TIMM21: variants seen among roughly 807,000 people sequenced by gnomAD.
TIMM21 encodes the protein mitochondrial import inner membrane translocase subunit Tim21.
Under a neutral mutation model 27.7 loss-of-function variants are expected in TIMM21, and 30 were observed. The ratio of observed to expected loss-of-function variants is 1.08; its 90% CI spans 0.81 to 1.47. TIMM21 has a LOEUF of 1.47. Ranked by LOEUF, TIMM21 falls within the 40% of genes most tolerant of loss-of-function variation. The probability of loss-of-function intolerance (pLI) is 0.00; values close to 1 mark genes in which losing one functional copy is unlikely to be tolerated. For missense variants in TIMM21, 292 were observed against 302.9 expected (o/e 0.96, Z 0.27); for synonymous variants, 121 against 114.4 (o/e 1.06, Z -0.37).
At chr18:74,157,674 C>T in intron 3 of TIMM21, 2 of 203,888 alleles carry the variant, frequency 9.8e-6, no homozygotes, top group Non-Finnish European at 2.0e-5. Context: ...TGGCTCACTG[C>T]AGCCTCTGCC....
rs968139714 is a variant in TIMM21, at chr18:74,159,761, A to G, written c.*1281A>G. On this transcript the variant is annotated 3_prime_UTR_variant, in exon 6 of 6. Coordinates refer to ENST00000169551, the MANE Select transcript of TIMM21 (RefSeq NM_014177.3). ...TCTCCTAATCGTTTTTTCCTTTGCTATAGAATGTTCAGTTTCAGGATTCAC... is the reference window on the plus strand; with the variant it reads ...TCTCCTAATCGTTTTTTCCTTTGCTGTAGAATGTTCAGTTTCAGGATTCAC... The G allele has an allele frequency of 6.6e-6, 1 of 152,162 alleles. No homozygotes were observed. Among genetic ancestry groups the G allele is most frequent in the African/African-American group, 2.4e-5 (1 of 41,438 alleles). The allele number at this position is 152,162 out of a possible 1,614,324, so 9.4% of individuals were successfully genotyped here.
Position 74,159,911 on chromosome 18 carries a change from A to C in TIMM21, c.*1431A>C, listed in dbSNP as rs1980056802. On this transcript the variant is annotated 3_prime_UTR_variant, in exon 6 of 6. Coordinates refer to ENST00000169551, the MANE Select transcript of TIMM21 (RefSeq NM_014177.3). ...CTGAAGAAGCCCGGCATCTGAGCTC[A>C]GGTGGGGATTTAGCCACCCTCCATG... 1.3e-5 allele frequency: 2 copies of C among 152,254 alleles called. No homozygotes were observed. Among genetic ancestry groups the C allele is most frequent in the Non-Finnish European group, 2.9e-5 (2 of 68,048 alleles). The allele number at this position is 152,254 out of a possible 1,614,324, so 9.4% of individuals were successfully genotyped here.
At chr18:74,154,390 T>A (rs1195051734) in intron 1 of TIMM21, among the ~76,000 whole-genome samples, 3 of 151,876 alleles carry the variant, frequency 2.0e-5, no homozygotes, top group African/African-American at 7.3e-5. Flanking sequence ...GCCTCTCGAG[T>A]AGCTGGGACT....
At chr18:74,151,948 C>CCCG (rs1555682333) in intron 1 of TIMM21, among the ~76,000 whole-genome samples, 29 of 147,270 alleles carry the variant, frequency 2.0e-4, no homozygotes, top group African/African-American at 7.1e-4. Flanking sequence ...CCCCCCCCCC[C>CCCG]CGGGGGGACC....
chr18:74,153,744 G>A lies in TIMM21; in HGVS notation c.302-1401G>A, dbSNP rs576106760. ...CGCTAAAGACTACTTTTAAACAAGC[G>A]TTGTATTAGCTAAATACTTCTTTTA... On this transcript the variant is annotated intron_variant, in intron 1 of 5. Transcript: ENST00000169551. Among the ~76,000 whole-genome samples, 8 of 152,322 alleles carry A rather than the reference G, an allele frequency of 5.3e-5. No individual in the cohort carries two copies. In the East Asian group the frequency reaches 5.8e-4, roughly 11 times the overall value.
In TIMM21 at chr18:74,155,549, T is replaced by C. The variant is rs1419488345; in HGVS notation, c.462+146T>C. On this transcript the variant is annotated intron_variant, in intron 3 of 5. Coordinates refer to ENST00000169551, the MANE Select transcript of TIMM21 (RefSeq NM_014177.3). The stretch of plus-strand genomic sequence containing the variant: ...AATGGTCGAGTCATCATTACATTAT[T>C]AGGTCTTTGCTCTTTAAGAGAACCC... 2.8e-5 allele frequency: 19 copies of C among 676,474 alleles called. No homozygotes were observed. In the South Asian group the frequency reaches 3.3e-4, roughly 12 times the overall value. 41.9% of individuals were successfully genotyped at this position (676,474 alleles called of 1,614,324 possible). A position where few individuals can be genotyped will look rare whatever the true frequency, so the allele number is the denominator to read the frequency against.
Position 74,160,509 on chromosome 18 carries a change from GT to G in TIMM21, c.*2033del, listed in dbSNP as rs1332716131. 1 of 152,154 alleles carries G rather than the reference GT, an allele frequency of 6.6e-6. No individual in the cohort carries two copies. The highest frequency in any genetic ancestry group is 1.5e-5 in the Non-Finnish European group (1 of 68,026). 9.4% of individuals were successfully genotyped at this position (152,154 alleles called of 1,614,324 possible). ...CCCTACTAAATGTTAAAATTTCTGTGTTTTAAGACCCTCTTTAATCCACTTT... is the reference window on the plus strand; with the variant it reads ...CCCTACTAAATGTTAAAATTTCTGTGTTTAAGACCCTCTTTAATCCACTTT... On this transcript the variant is annotated 3_prime_UTR_variant, in exon 6 of 6. Transcript: ENST00000169551.
chr18:74,155,465 G>A (rs982436865), intron 3 of TIMM21, 62 bp downstream of exon 3: 3 of 1,351,120 alleles, frequency 2.2e-6, no homozygotes. Context: ...CTGGGAGGAG[G>A]AAGTGGGCAG....
At position 74,158,873 on chromosome 18, in the gene TIMM21, C is replaced by G. The variant is rs1980030502; in HGVS notation, c.*393C>G. ...CAAATATGTCATTAGCAGCTGCCCT[C>G]CGCATACTTTGGAATCTGACTTGAG... On this transcript the variant is annotated 3_prime_UTR_variant, in exon 6 of 6. Coordinates refer to ENST00000169551, the MANE Select transcript of TIMM21 (RefSeq NM_014177.3). 5.4e-6 allele frequency: 1 copy of G among 185,418 alleles called. No homozygotes were observed. The highest frequency in any genetic ancestry group is 1.1e-5 in the Non-Finnish European group (1 of 89,896). 11.5% of individuals were successfully genotyped at this position (185,418 alleles called of 1,614,324 possible). A position where few individuals can be genotyped will look rare whatever the true frequency, so the allele number is the denominator to read the frequency against.
chr18:74,149,074 A>G lies in TIMM21; in HGVS notation c.266A>G (p.Gln89Arg), dbSNP rs1787760564. The change falls in exon 1 of 6, where the codon CAG (glutamine) becomes CGG (arginine). Residue 89 changes from glutamine to arginine, a missense_variant. Gln to Arg is a conservative substitution (Grantham distance 43). Transcript: ENST00000169551. ...GSKQVSVHRSQRGGTAVPTSQ... is the reference protein window; with the variant it reads ...GSKQVSVHRSRRGGTAVPTSQ... ...AAACAAGTGTCTGTGCACAGGAGTCAGAGAGGGGGAACCGCCGTCCCAACA... is the reference window on the plus strand; with the variant it reads ...AAACAAGTGTCTGTGCACAGGAGTCGGAGAGGGGGAACCGCCGTCCCAACA... 10 of 1,611,746 alleles carry G rather than the reference A, an allele frequency of 6.2e-6. No homozygotes were observed. The highest frequency in any genetic ancestry group is 4.0e-5 in the African/African-American group (3 of 74,896).
rs1186792245 is a variant in TIMM21, at chr18:74,152,723, GT to G, written c.302-2420del. The stretch of plus-strand genomic sequence containing the variant: ...CTGCTTACCACTCCTGGTAGCACCC[GT>G]TGTAGGTTGGCTTCCCAGGGAAGTG... On this transcript the variant is annotated intron_variant, in intron 1 of 5. Coordinates refer to ENST00000169551, the MANE Select transcript of TIMM21 (RefSeq NM_014177.3). The surrounding 1 kb of genome is among the most constrained non-coding windows in gnomAD (Gnocchi z 4.1). Among the ~76,000 whole-genome samples, 1 of 152,216 alleles carries G rather than the reference GT, an allele frequency of 6.6e-6. No individual in the cohort carries two copies. Among genetic ancestry groups the G allele is most frequent in the African/African-American group, 2.4e-5 (1 of 41,452 alleles).
intron 3 of TIMM21, 77 bp from the exon 4 acceptor site, chr18:74,157,937 C>A: frequency 6.7e-7 from 1 of 1,503,080 alleles, no homozygotes; most frequent in Non-Finnish European, 9.1e-7. Flanking sequence ...TTCCTAAAAT[C>A]ATCTGGTTTG....
chr18:74,149,392 A>G (rs1979724863), intron 1 of TIMM21, among the ~76,000 whole-genome samples: 2 of 152,076 alleles, frequency 1.3e-5, no homozygotes, highest in Non-Finnish European at 2.9e-5. Context: ...ATAAAGAGTA[A>G]TTGGATAGGA....
chr18:74,152,198 A>G lies in TIMM21; in HGVS notation c.302-2947A>G, dbSNP rs897655862. Reference sequence around the variant, plus strand: ...ATTGGGATTCAAGATTTTTTACAACATTGACCTCAAGGGCCCCCTACCCAG... The same window carrying G: ...ATTGGGATTCAAGATTTTTTACAACGTTGACCTCAAGGGCCCCCTACCCAG... On this transcript the variant is annotated intron_variant, in intron 1 of 5. Coordinates refer to ENST00000169551, the MANE Select transcript of TIMM21 (RefSeq NM_014177.3). The surrounding 1 kb of genome is among the most constrained non-coding windows in gnomAD (Gnocchi z 4.1). 6.6e-6 allele frequency among the ~76,000 whole-genome samples: 1 copy of G among 152,018 alleles called. No homozygotes were observed. Among genetic ancestry groups the G allele is most frequent in the Non-Finnish European group, 1.5e-5 (1 of 68,000 alleles).
chr18:74,148,588 T>TA lies in TIMM21; in HGVS notation c.-221_-220insA. 1 of 475,222 alleles carries TA rather than the reference T, an allele frequency of 2.1e-6. No homozygotes were observed. Among genetic ancestry groups the TA allele is most frequent in the Non-Finnish European group, 3.8e-6 (1 of 264,758 alleles). 29.4% of individuals were successfully genotyped at this position (475,222 alleles called of 1,614,324 possible). A position where few individuals can be genotyped will look rare whatever the true frequency, so the allele number is the denominator to read the frequency against. On this transcript the variant is annotated 5_prime_UTR_variant, in exon 1 of 6. The change abolishes the stop of an existing upstream ORF in the 5' untranslated region. Transcript: ENST00000169551. ...CAGCCCAGAAGGTGATCAGAGCCTG[T>TA]TAATTAAAATGGAAAGAAGACAGAA...
At chr18:74,151,781 C>G (rs1314006191) in intron 1 of TIMM21, among the ~76,000 whole-genome samples, 1 of 152,158 alleles carries the variant, frequency 6.6e-6, no homozygotes, top group Non-Finnish European at 1.5e-5. Context: ...CTCGAAGTTT[C>G]CAGGAGCAGA....
rs1302896690 is a variant in TIMM21, at chr18:74,152,203, C to A, written c.302-2942C>A. Among the ~76,000 whole-genome samples the A allele has an allele frequency of 6.6e-6, 1 of 152,040 alleles. No homozygotes were observed. The highest frequency in any genetic ancestry group is 1.5e-5 in the Non-Finnish European group (1 of 67,994). ...GATTCAAGATTTTTTACAACATTGA[C>A]CTCAAGGGCCCCCTACCCAGCTTTA... On this transcript the variant is annotated intron_variant, in intron 1 of 5. Coordinates refer to ENST00000169551, the MANE Select transcript of TIMM21 (RefSeq NM_014177.3). The surrounding 1 kb of genome is among the most constrained non-coding windows in gnomAD (Gnocchi z 4.1).
chr18:74,151,944 C>CT (rs76421403), intron 1 of TIMM21, among the ~76,000 whole-genome samples: 1 of 144,612 alleles, frequency 6.9e-6, no homozygotes, highest in Non-Finnish European at 1.5e-5. Flanking sequence ...TGTTCCCCCC[C>CT]CCCCCGGGGG....
intron 1 of TIMM21, 53 bp downstream of exon 1, chr18:74,149,162 C>T (rs1276376426): frequency 1.9e-6 from 3 of 1,551,926 alleles, no homozygotes; most frequent in Non-Finnish European, 2.6e-6. Flanking sequence ...ACAAGAGCTG[C>T]CAATGCCCTT....
Sources: gnomAD v4.1 joint callset for allele counts (sites outside exome capture counted in the v4.1 genomes callset) on GRCh38, gnomAD v4.1.1 for gene constraint, Gnocchi (gnomAD v3.1) non-coding constraint, MANE v1.5 for transcripts, NCBI Gene and HGNC (gene_info 2026-07-23, HGNC 2026-07-21) for gene names.